Variants in KAZN observed in about 807,000 individuals in gnomAD.
The protein encoded by KAZN is kazrin, periplakin interacting protein.
A neutral mutation model predicts 87.4 loss-of-function variants in KAZN; 40 were observed. The observed-to-expected ratio is 0.46, with a 90% CI of 0.36 to 0.60. The LOEUF (loss-of-function observed/expected upper bound fraction) is 0.60. Among genes scored for constraint, KAZN ranks in the 20% least tolerant of loss-of-function variants. The pLI, the probability that KAZN is intolerant of heterozygous loss-of-function variation, is 0.00. For synonymous variants in KAZN, 466 were observed against 458.3 expected, an observed-to-expected ratio of 1.02 and a Z score of -0.22; for missense variants, 898 against 1,073.9, an observed-to-expected ratio of 0.84 and a Z score of 2.29.
At chr1:14,690,510 A>C (rs1194722100) in intron 1 of KAZN, among the ~76,000 whole-genome samples, 1 of 152,080 alleles carries the variant, frequency 6.6e-6, no homozygotes, top group Non-Finnish European at 1.5e-5. Context: ...GGTTCACATG[A>C]CTGACTTGGG....
Position 14,091,645 on chromosome 1 carries a change from A to G in KAZN, c.92-88790A>G, listed in dbSNP as rs77514966. 4.3e-3 allele frequency among the ~76,000 whole-genome samples: 661 copies of G among 152,324 alleles called. 3 individuals carry two copies. The highest frequency in any genetic ancestry group is 0.015 in the African/African-American group (631 of 41,558). ...TCAACATTTTGATAATGCCAAATTC[A>G]TAGCTATTTCTTTCTCTATTTCAAT... is the stretch of plus-strand genomic sequence containing the variant. On this transcript the variant is annotated intron_variant, in intron 1 of 16. Coordinates refer to the KAZN transcript ENST00000636203.
chr1:14,640,148 C>T (rs1282491210), intron 1 of KAZN, among the ~76,000 whole-genome samples: 1 of 152,064 alleles, frequency 6.6e-6, no homozygotes, highest in African/African-American at 2.4e-5. Context: ...TTAAAAATAC[C>T]CCTTTATATT....
chr1:14,230,447 T>C (rs555427999), intron 2 of KAZN, among the ~76,000 whole-genome samples: 15 of 152,296 alleles, frequency 9.8e-5, no homozygotes, highest in African/African-American at 3.1e-4. Flanking sequence ...CCACTCCTTT[T>C]TTATTTGGAG....
At chr1:14,089,319 A>T (rs1384797879) in intron 1 of KAZN, among the ~76,000 whole-genome samples, 1 of 152,086 alleles carries the variant, frequency 6.6e-6, no homozygotes, top group East Asian at 1.9e-4. Flanking sequence ...GTATTTAAAT[A>T]TACTGTTCTG....
intron 1 of KAZN, among the ~76,000 whole-genome samples, chr1:14,014,046 C>T (rs1640448034): frequency 6.6e-6 from 1 of 152,152 alleles, no homozygotes; most frequent in Non-Finnish European, 1.5e-5. Context: ...TAGGCTGCTC[C>T]ATTGAAAAGC....
At chr1:14,264,673 T>A (rs1024294176) in intron 2 of KAZN, among the ~76,000 whole-genome samples, 17 of 152,304 alleles carry the variant, frequency 1.1e-4, no homozygotes, top group Admixed American at 1.1e-3. Context: ...TTCAGCACTG[T>A]GAGAAGTAAA....
intron 13 of KAZN, among the ~76,000 whole-genome samples, chr1:15,106,824 C>G (rs1405920717): frequency 1.3e-5 from 2 of 152,158 alleles, no homozygotes; most frequent in East Asian, 3.9e-4. Context: ...CCTGCATCTC[C>G]CGATAAACCT....
Position 14,478,254 on chromosome 1 carries a change from GAAGGAAGGAAGGAAGGAAGA to G in KAZN, c.250-120712_250-120693del, listed in dbSNP as rs952203804. On this transcript the variant is annotated intron_variant, in intron 2 of 16. Coordinates refer to the KAZN transcript ENST00000636203. ...GAAGGAAGGAAGGAAGGAAAAGAAG[GAAGGAAGGAAGGAAGGAAGA>G]AAGGAAGGAAGGAAGGGTGGATGGG... Among the ~76,000 whole-genome samples the G allele has an allele frequency of 1.2e-4, 17 of 141,814 alleles. No homozygotes were observed. In the East Asian group the frequency reaches 1.7e-3, roughly 14 times the overall value. 93.0% of individuals were successfully genotyped at this position (141,814 alleles called of 152,430 possible).
rs182157052 is a variant in KAZN, at chr1:14,407,696, C to T, written c.250-191287C>T. On this transcript the variant is annotated intron_variant, in intron 2 of 16. Transcript: ENST00000636203. ...CACCTAGCGTAGAGTGTTGTATAAA[C>T]TGTTATCATGCATATAGTAAGTTCT... Among the ~76,000 whole-genome samples the T allele has an allele frequency of 2.9e-3, 449 of 152,206 alleles. 1 individual carries two copies. Among genetic ancestry groups the T allele is most frequent in the African/African-American group, 0.01 (435 of 41,522 alleles).
chr1:14,043,252 C>T (rs1302333605), intron 1 of KAZN, among the ~76,000 whole-genome samples: 1 of 152,194 alleles, frequency 6.6e-6, no homozygotes, highest in East Asian at 1.9e-4. Context: ...GAATTTCCTT[C>T]CTTTTTAAGG....
intron 1 of KAZN, among the ~76,000 whole-genome samples, chr1:13,994,134 T>C (rs1362945880): frequency 6.6e-6 from 1 of 152,214 alleles, no homozygotes; most frequent in Non-Finnish European, 1.5e-5. Context: ...TTAACTTTAA[T>C]TTGGTTCCAG....
At chr1:14,268,041 A>T (rs1162395177) in intron 2 of KAZN, among the ~76,000 whole-genome samples, 4 of 152,124 alleles carry the variant, frequency 2.6e-5, no homozygotes, top group Non-Finnish European at 4.4e-5. Context: ...TTGGCCAACA[A>T]TTTTTTGAGC....
intron 8 of KAZN, among the ~76,000 whole-genome samples, chr1:15,090,508 T>A (rs1184183098): frequency 1.3e-5 from 2 of 152,216 alleles, no homozygotes; most frequent in Non-Finnish European, 2.9e-5. Context: ...GCTGCCGGCC[T>A]GCACCCCGGC....
intron 1 of KAZN, among the ~76,000 whole-genome samples, chr1:14,815,650 G>C (rs776545959): frequency 6.6e-5 from 10 of 152,118 alleles, no homozygotes; most frequent in Non-Finnish European, 1.3e-4. Flanking sequence ...TCAATCAAAT[G>C]AGTCTGGAAA....
At chr1:15,090,893 G>A (rs963278876) in intron 8 of KAZN, among the ~76,000 whole-genome samples, 9 of 152,204 alleles carry the variant, frequency 5.9e-5, no homozygotes, top group African/African-American at 2.2e-4. Context: ...TTTTGGTGGA[G>A]ATGGGGATGA....
chr1:14,725,690 G>A (rs1289103391), intron 1 of KAZN, among the ~76,000 whole-genome samples: 1 of 152,136 alleles, frequency 6.6e-6, no homozygotes, highest in African/African-American at 2.4e-5. Flanking sequence ...CAGAACCCCA[G>A]AGTCCCAATT....
At chr1:14,547,517 G>A (rs1315746690) in intron 2 of KAZN, among the ~76,000 whole-genome samples, 4 of 152,116 alleles carry the variant, frequency 2.6e-5, no homozygotes, top group African/African-American at 7.2e-5. Context: ...GTAAATTGAC[G>A]ACATGAATCA....
intron 2 of KAZN, among the ~76,000 whole-genome samples, chr1:14,301,962 T>C (rs936944464): frequency 2.6e-5 from 4 of 152,218 alleles, no homozygotes. Flanking sequence ...ACTTTTATAC[T>C]TATTTAATAT....
At chr1:14,643,818 C>T (rs1680589925) in intron 1 of KAZN, among the ~76,000 whole-genome samples, 1 of 152,144 alleles carries the variant, frequency 6.6e-6, no homozygotes, top group East Asian at 1.9e-4. Flanking sequence ...TCTGCAACCT[C>T]ATCAGCATCT....
Sources: allele counts gnomAD v4.1 joint callset (sites outside exome capture counted in the v4.1 genomes callset), GRCh38; gene constraint gnomAD v4.1.1; transcripts MANE v1.5; gene names NCBI Gene and HGNC (gene_info 2026-07-23, HGNC 2026-07-21).